DNAH14: variants seen among roughly 807,000 people sequenced by gnomAD.
The protein encoded by DNAH14 is axonemal beta dynein heavy chain 14.
A neutral mutation model predicts 520.9 loss-of-function variants in DNAH14; 478 were observed. That is an observed-to-expected ratio of 0.92 (90% CI 0.85 to 0.99). The LOEUF (loss-of-function observed/expected upper bound fraction) is 0.99, where lower values mean the gene tolerates loss of function less well. Ranked by LOEUF, DNAH14 falls within the 50% of genes least tolerant of loss-of-function variation. The pLI is 0.00. For synonymous variants in DNAH14, 1,581 were observed against 1,757.2 expected, an observed-to-expected ratio of 0.90 and a Z score of 2.51; for missense variants, 4,831 against 5,234.5, an observed-to-expected ratio of 0.92 and a Z score of 2.38.
intron 71 of DNAH14, 61 bp downstream of exon 71, chr1:225,346,715 C>T (rs2095291616): frequency 7.5e-7 from 1 of 1,326,354 alleles, no homozygotes; most frequent in African/African-American, 1.5e-5. Context: ...TTTCCTTCCT[C>T]TAAGGTGCTC....
At chr1:224,974,199 A>C in intron 8 of DNAH14, 46 bp downstream of exon 8, 1 of 1,230,582 alleles carries the variant, frequency 8.1e-7, no homozygotes, top group South Asian at 1.7e-5. Flanking sequence ...AGGAAGCTGT[A>C]TGTTTTACAT....
At chr1:225,278,028 C>T (rs2093532636) in intron 54 of DNAH14, among the ~76,000 whole-genome samples, 1 of 150,368 alleles carries the variant, frequency 6.7e-6, no homozygotes, top group South Asian at 2.1e-4. Context: ...TTATTTATAA[C>T]TGTTTGGTTA....
chr1:225,043,788 GA>G lies in DNAH14; in HGVS notation c.1814del (p.Glu605AspfsTer11). On this transcript the variant is annotated frameshift_variant and splice_region_variant, in exon 14 of 86. Coordinates refer to ENST00000682510, the MANE Select transcript of DNAH14 (RefSeq NM_001367479.1). LOFTEE classifies it high-confidence loss of function. ...TEFENKYMYY[E>X]FPEFPTNLFI... ...GTTTGAGAATAAATACATGTATTAT[GA>G]GTAAGTATTAGACATTTTAAAAATT... 1 of 1,463,890 alleles carries G rather than the reference GA, an allele frequency of 6.8e-7. No individual in the cohort carries two copies. Among genetic ancestry groups the G allele is most frequent in the Non-Finnish European group, 9.3e-7 (1 of 1,070,420 alleles). The allele number at this position is 1,463,890 out of a possible 1,614,324, so 90.7% of individuals were successfully genotyped here. A position where few individuals can be genotyped will look rare whatever the true frequency, so the allele number is the denominator to read the frequency against.
At chr1:225,264,318 G>A (rs575698139) in intron 47 of DNAH14, 57 bp downstream of exon 47, 4 of 1,289,814 alleles carry the variant, frequency 3.1e-6, no homozygotes, top group African/African-American at 1.5e-5. Context: ...TCACAACCAT[G>A]TGTATATTAT....
In DNAH14 at chr1:225,374,673, A is replaced by C. The variant is rs1246584878; in HGVS notation, c.12319-15A>C. 6.5e-7 allele frequency: 1 copy of C among 1,539,178 alleles called. No homozygotes were observed. Among genetic ancestry groups the C allele is most frequent in the African/African-American group, 1.4e-5 (1 of 72,788 alleles). On this transcript the variant is annotated splice_polypyrimidine_tract_variant and intron_variant, in intron 77 of 85. Coordinates refer to ENST00000682510, the MANE Select transcript of DNAH14 (RefSeq NM_001367479.1). ...ACACATACTGAAATAATAAAGACTCATGGGTTTTCCAAAGGTTGCCATTAA... is the reference window on the plus strand; with the variant it reads ...ACACATACTGAAATAATAAAGACTCCTGGGTTTTCCAAAGGTTGCCATTAA...
intron 8 of DNAH14, among the ~76,000 whole-genome samples, chr1:224,979,743 G>A (rs1479978537): frequency 6.6e-6 from 1 of 152,196 alleles, no homozygotes; most frequent in Admixed American, 6.5e-5. Context: ...CTTCTGTTGA[G>A]GAGAGGAGAG....
In DNAH14 at chr1:225,065,861, T is replaced by C. The variant is rs1465142259; in HGVS notation, c.2425-13346T>C. The stretch of plus-strand genomic sequence containing the variant: ...ACATCTCTGACATACTTATTTCAGA[T>C]CTTTTGGGTAAATACCCAGAAGTGA... On this transcript the variant is annotated intron_variant, in intron 17 of 85. Coordinates refer to ENST00000682510, the MANE Select transcript of DNAH14 (RefSeq NM_001367479.1). Among the ~76,000 whole-genome samples, 3 of 152,090 alleles carry C rather than the reference T, an allele frequency of 2.0e-5. No homozygotes were observed. The South Asian group carries it at 6.2e-4, about 31-fold the overall frequency.
rs1246614625 is a variant in DNAH14, at chr1:225,331,580, A to G, written c.9864+3A>G. On this transcript the variant is annotated splice_donor_region_variant and intron_variant, in intron 65 of 85. Coordinates refer to ENST00000682510, the MANE Select transcript of DNAH14 (RefSeq NM_001367479.1). The stretch of plus-strand genomic sequence containing the variant: ...TAACTGTCCTGGAAGATGAGAAGGC[A>G]TGACTTACTTTGGTCTTATATCTCG... 1.3e-6 allele frequency: 2 copies of G among 1,551,180 alleles called. No individual in the cohort carries two copies. Among genetic ancestry groups the G allele is most frequent in the African/African-American group, 1.4e-5 (1 of 73,026 alleles).
chr1:224,947,616 T>C (rs1403226541), intron 1 of DNAH14, among the ~76,000 whole-genome samples: 1 of 152,152 alleles, frequency 6.6e-6, no homozygotes, highest in Non-Finnish European at 1.5e-5. Context: ...AAGTTTTACT[T>C]TTTCTAACTT....
chr1:225,294,879 T>C (rs148008340), intron 55 of DNAH14, among the ~76,000 whole-genome samples: 1 of 152,016 alleles, frequency 6.6e-6, no homozygotes, highest in African/African-American at 2.4e-5. Flanking sequence ...TAGTGGATTT[T>C]TTGTTGTTGT....
At chr1:225,392,929 A>T (rs1054899660) in intron 84 of DNAH14, among the ~76,000 whole-genome samples, 2 of 152,156 alleles carry the variant, frequency 1.3e-5, no homozygotes, top group African/African-American at 4.8e-5. Context: ...GCTGAAGCAG[A>T]GCACAGAGCA....
rs755701543 is a variant in DNAH14 at position 225,203,497 on chromosome 1, A to G, written c.5887-686A>G. ...CTATTATTTGGTTTTCTCCCTGACT[A>G]CTATTGATAGTTAAGGAAACCAGTG... is the stretch of plus-strand genomic sequence containing the variant. On this transcript the variant is annotated intron_variant, in intron 38 of 85. Coordinates refer to ENST00000682510, the MANE Select transcript of DNAH14 (RefSeq NM_001367479.1). Among the ~76,000 whole-genome samples, 93 of 152,210 alleles carry G rather than the reference A, an allele frequency of 6.1e-4. No homozygotes were observed. The Middle Eastern group carries it at 0.01, about 17-fold the overall frequency.
At chr1:225,372,820 A>AT (rs1439775273) in intron 77 of DNAH14, among the ~76,000 whole-genome samples, 1 of 140,608 alleles carries the variant, frequency 7.1e-6, no homozygotes. Context: ...TATCTGTGAC[A>AT]TACAAAGAGC....
chr1:224,930,082 GTTC>G (rs755257392), intron 1 of DNAH14, among the ~76,000 whole-genome samples: 4 of 152,188 alleles, frequency 2.6e-5, no homozygotes, highest in Admixed American at 6.5e-5. Flanking sequence ...TCAACGCGAG[GTTC>G]TTCTTAGTTG....
intron 46 of DNAH14, among the ~76,000 whole-genome samples, chr1:225,260,010 G>A (rs1447837854): frequency 2.0e-5 from 3 of 151,910 alleles, no homozygotes; most frequent in Non-Finnish European, 2.9e-5. Flanking sequence ...AGACTAAATA[G>A]TATTCCATTA....
intron 17 of DNAH14, among the ~76,000 whole-genome samples, chr1:225,066,263 A>G (rs189059809): frequency 1.3e-4 from 20 of 151,914 alleles, no homozygotes; most frequent in Admixed American, 1.2e-3. Context: ...CTTGCAAAAT[A>G]TTTTCTCCAA....
intron 43 of DNAH14, among the ~76,000 whole-genome samples, chr1:225,244,244 A>T (rs1363040371): frequency 6.6e-6 from 1 of 152,220 alleles, no homozygotes; most frequent in Non-Finnish European, 1.5e-5. Context: ...GTGCTGCTGG[A>T]TTCATTTTGC....
Position 225,388,507 on chromosome 1 carries a change from G to A in DNAH14, c.13190+16G>A, listed in dbSNP as rs2095867022. On this transcript the variant is annotated intron_variant, in intron 82 of 85. Coordinates refer to ENST00000682510, the MANE Select transcript of DNAH14 (RefSeq NM_001367479.1). ...TACAGCGTCGGTATGGATAAAAGAT[G>A]CTTTACATTTCTTCCTCATTTTTGC... 2 of 1,392,660 alleles carry A rather than the reference G, an allele frequency of 1.4e-6. No homozygotes were observed. Among genetic ancestry groups the A allele is most frequent in the Non-Finnish European group, 2.0e-6 (2 of 1,017,008 alleles). The allele number at this position is 1,392,660 out of a possible 1,614,324, so 86.3% of individuals were successfully genotyped here. A position where few individuals can be genotyped will look rare whatever the true frequency, so the allele number is the denominator to read the frequency against.
chr1:225,135,095 AT>A (rs890382856), intron 27 of DNAH14, among the ~76,000 whole-genome samples: 24 of 149,722 alleles, frequency 1.6e-4, no homozygotes, highest in African/African-American at 3.4e-4. Flanking sequence ...TGGTGTATCT[AT>A]TTTTTTTTAA....
Sources: gnomAD v4.1 joint callset for allele counts (sites outside exome capture counted in the v4.1 genomes callset) on GRCh38, gnomAD v4.1.1 for gene constraint, MANE v1.5 for transcripts, NCBI Gene and HGNC (gene_info 2026-07-23, HGNC 2026-07-21) for gene names.